The following MACROD1 variants were observed in gnomAD, a reference collection of about 807,000 sequenced individuals.
The protein encoded by MACROD1 is ADP-ribose glycohydrolase MACROD1.
In MACROD1, 31 loss-of-function variants were observed where a neutral mutation model predicts 41.4. The observed-to-expected ratio is 0.75, with a 90% CI of 0.56 to 1.01. MACROD1 has a LOEUF of 1.01. Ranked by LOEUF, MACROD1 falls within the 50% of genes least tolerant of loss-of-function variation. The pLI is 0.00. For synonymous variants in MACROD1, 252 were observed against 203.4 expected (o/e 1.24, Z -2.03); for missense variants, 473 against 460.0 (o/e 1.03, Z -0.26).
intron 3 of MACROD1, among the ~76,000 whole-genome samples, chr11:64,124,830 G>C (rs1317831870): frequency 1.3e-5 from 2 of 152,146 alleles, no homozygotes; most frequent in Non-Finnish European, 2.9e-5. Context: ...ACAGGCGTGT[G>C]CCACCATGCC....
rs1297396756 is a variant in MACROD1, at chr11:64,096,540, C to T, written c.517+54699G>A. The stretch of plus-strand genomic sequence containing the variant: ...AAGCAATTCTCTTGCCTCAGCCCAC[C>T]GAGTAGCTGGGATTACAGGCGCCTG... On this transcript the variant is annotated intron_variant, in intron 3 of 10. Transcript: ENST00000255681. This position sits in a 1 kb window ranked among gnomAD's most constrained non-coding sequence, Gnocchi z 4.6. Among the ~76,000 whole-genome samples, 3 of 152,052 alleles carry T rather than the reference C, an allele frequency of 2.0e-5. No homozygotes were observed. The highest frequency in any genetic ancestry group is 2.1e-4 in the South Asian group (1 of 4,824).
intron 3 of MACROD1, among the ~76,000 whole-genome samples, chr11:64,034,782 G>A (rs1481859238): frequency 2.6e-5 from 4 of 152,226 alleles, no homozygotes; most frequent in Admixed American, 6.5e-5. Flanking sequence ...GTCTGAGGGT[G>A]GATCAGGAGC....
intron 3 of MACROD1, among the ~76,000 whole-genome samples, chr11:64,028,169 G>A (rs1274326978): frequency 7.2e-5 from 11 of 151,998 alleles, no homozygotes; most frequent in Non-Finnish European, 1.6e-4. Context: ...GAGTGCTGGG[G>A]AGGCGCATGG....
chr11:64,087,890 CCTT>C (rs1692667686), intron 3 of MACROD1, among the ~76,000 whole-genome samples: 1 of 152,210 alleles, frequency 6.6e-6, no homozygotes, highest in South Asian at 2.1e-4. Context: ...GGGCTTAGCT[CCTT>C]CTTTCTGCGA....
At chr11:64,033,611 T>G (rs1324177905) in intron 3 of MACROD1, among the ~76,000 whole-genome samples, 1 of 151,988 alleles carries the variant, frequency 6.6e-6, no homozygotes, top group Non-Finnish European at 1.5e-5. Context: ...GAGGCCGAGT[T>G]GGGTGGATCA....
intron 3 of MACROD1, among the ~76,000 whole-genome samples, chr11:64,076,257 C>T (rs560352842): frequency 6.6e-6 from 1 of 152,198 alleles, no homozygotes; most frequent in African/African-American, 2.4e-5. Context: ...CAGCCCTCAC[C>T]AGGTGCCCCC....
In MACROD1 at chr11:64,164,597, C is replaced by G. The variant is rs564075871; in HGVS notation, c.298+1100G>C. 7.9e-5 allele frequency among the ~76,000 whole-genome samples: 12 copies of G among 152,370 alleles called. No homozygotes were observed. In the South Asian group the frequency reaches 2.3e-3, roughly 29 times the overall value. On this transcript the variant is annotated intron_variant, in intron 1 of 10. Transcript: ENST00000255681. ...ACGGGCTAAAGTCGGTGCTTTCTGC[C>G]GTCACTTTTAGATCCTGGCGCAGGC... is the stretch of plus-strand genomic sequence containing the variant.
At chr11:64,150,366 C>T (rs1945557086) in intron 3 of MACROD1, among the ~76,000 whole-genome samples, 1 of 152,180 alleles carries the variant, frequency 6.6e-6, no homozygotes, top group African/African-American at 2.4e-5. Flanking sequence ...GTGCCCTGGG[C>T]CTGCACAGGT....
At chr11:64,053,778 G>A (rs951579466) in intron 3 of MACROD1, among the ~76,000 whole-genome samples, 7 of 152,188 alleles carry the variant, frequency 4.6e-5, no homozygotes, top group African/African-American at 1.7e-4. Flanking sequence ...GCCCAGTGGG[G>A]TTGAGCCCTA....
At chr11:64,110,942 C>T (rs1590923247) in intron 3 of MACROD1, among the ~76,000 whole-genome samples, 2 of 152,208 alleles carry the variant, frequency 1.3e-5, no homozygotes, top group African/African-American at 4.8e-5. Context: ...GGCTCAGCCT[C>T]GGGCTGGCCT....
At chr11:64,154,943 T>A (rs1350556586) in intron 1 of MACROD1, among the ~76,000 whole-genome samples, 1 of 152,206 alleles carries the variant, frequency 6.6e-6, no homozygotes, top group Non-Finnish European at 1.5e-5. Flanking sequence ...GGACTTGAAC[T>A]CCTGACCTCA....
intron 3 of MACROD1, among the ~76,000 whole-genome samples, chr11:64,129,931 G>A (rs1024554568): frequency 7.2e-5 from 11 of 152,126 alleles, no homozygotes; most frequent in African/African-American, 1.4e-4. Flanking sequence ...GAAGAGGACC[G>A]GGTGGTTGGG....
intron 3 of MACROD1, among the ~76,000 whole-genome samples, chr11:64,129,353 T>C (rs897154124): frequency 6.6e-6 from 1 of 152,188 alleles, no homozygotes; most frequent in Non-Finnish European, 1.5e-5. Context: ...CCGACTGCTG[T>C]TGGGAGGGTG....
chr11:64,073,895 G>GT (rs1228620346), intron 3 of MACROD1, among the ~76,000 whole-genome samples: 1 of 152,168 alleles, frequency 6.6e-6, no homozygotes, highest in Non-Finnish European at 1.5e-5. Context: ...CAGCCACTTA[G>GT]GGGCTCTGGG....
intron 3 of MACROD1, among the ~76,000 whole-genome samples, chr11:64,085,008 CA>C (rs1411129876): frequency 2.0e-5 from 3 of 152,240 alleles, no homozygotes; most frequent in African/African-American, 4.8e-5. Flanking sequence ...CTTACTATAA[CA>C]ATGGGTCCTA....
chr11:64,013,748 CT>C (rs1484093735), intron 4 of MACROD1, among the ~76,000 whole-genome samples: 1 of 152,198 alleles, frequency 6.6e-6, no homozygotes, highest in African/African-American at 2.4e-5. Flanking sequence ...CATCTCCCAT[CT>C]CCCCACCTCT....
At chr11:64,104,172 G>A (rs1565234266) in intron 3 of MACROD1, 2 of 152,350 alleles carry the variant, frequency 1.3e-5, no homozygotes, top group South Asian at 2.1e-4. Flanking sequence ...GGGCGGCAGC[G>A]ACGAAGGAGG....
chr11:64,019,119 C>G (rs1432351804), intron 3 of MACROD1, among the ~76,000 whole-genome samples: 3 of 152,218 alleles, frequency 2.0e-5, no homozygotes, highest in Non-Finnish European at 4.4e-5. Flanking sequence ...AGCAAGCACA[C>G]CCTGGAGGCT....
chr11:64,038,377 G>T (rs1264776436), intron 3 of MACROD1, among the ~76,000 whole-genome samples: 1 of 152,224 alleles, frequency 6.6e-6, no homozygotes, highest in East Asian at 1.9e-4. Flanking sequence ...TGTTCTGCGT[G>T]TGGGTGCAGG....
Sources: allele counts gnomAD v4.1 joint callset (sites outside exome capture counted in the v4.1 genomes callset), GRCh38; gene constraint gnomAD v4.1.1; non-coding constraint Gnocchi (gnomAD v3.1); transcripts MANE v1.5; gene names NCBI Gene and HGNC (gene_info 2026-07-23, HGNC 2026-07-21).